PLA2R1: variants seen among roughly 807,000 people sequenced by gnomAD.
The protein encoded by PLA2R1 is secretory phospholipase A2 receptor.
In PLA2R1, 158 loss-of-function variants were observed where a neutral mutation model predicts 195.9. The observed-to-expected ratio is 0.81, with a 90% CI of 0.71 to 0.92. The LOEUF (loss-of-function observed/expected upper bound fraction) is 0.92, where lower values mean the gene tolerates loss of function less well. Ranked by LOEUF, PLA2R1 falls within the 40% of genes least tolerant of loss-of-function variation. The pLI, the probability that PLA2R1 is intolerant of heterozygous loss-of-function variation, is 0.00. For missense variants in PLA2R1, 1,626 were observed against 1,764.6 expected, an observed-to-expected ratio of 0.92 and a Z score of 1.41; for synonymous variants, 586 against 598.2, an observed-to-expected ratio of 0.98 and a Z score of 0.30.
Position 159,993,453 on chromosome 2 carries a change from T to TACACACACACACACACACACAC in PLA2R1, c.1835-6117_1835-6096dup, listed in dbSNP as rs3063677. ...ATTTGAACTCAAAAAGTGTTTAATT[T>TACACACACACACACACACACAC]ACACACACACACACACACACACACT... On this transcript the variant is annotated intron_variant, in intron 11 of 29. Transcript: ENST00000283243. Among the ~76,000 whole-genome samples, 83 of 148,306 alleles carry TACACACACACACACACACACAC rather than the reference T, an allele frequency of 5.6e-4. 1 individual carries two copies. The highest frequency in any genetic ancestry group is 1.9e-3 in the African/African-American group (75 of 40,280).
At chr2:159,946,693 T>C (rs1403397011) in intron 27 of PLA2R1, 108 bp downstream of exon 27, 1 of 1,446,732 alleles carries the variant, frequency 6.9e-7, no homozygotes, top group African/African-American at 1.5e-5. Context: ...TGCTATTTTT[T>C]CTCAGAAAAC....
intron 21 of PLA2R1, 22 bp from the exon 22 acceptor site, chr2:159,955,850 TC>T (rs748019176): frequency 6.5e-7 from 1 of 1,545,278 alleles, no homozygotes; most frequent in Non-Finnish European, 8.9e-7. Flanking sequence ...GAATACATTA[TC>T]TAATTTAATA....
intron 1 of PLA2R1, among the ~76,000 whole-genome samples, chr2:160,052,242 C>T (rs1695255842): frequency 6.6e-6 from 1 of 152,276 alleles, no homozygotes; most frequent in African/African-American, 2.4e-5. Context: ...TCAGTGCCAC[C>T]GGACTGCAGT....
rs965844583 is a variant in PLA2R1 at position 160,009,651 on chromosome 2, G to A, written c.1664+3612C>T. Among the ~76,000 whole-genome samples, 3 of 152,228 alleles carry A rather than the reference G, an allele frequency of 2.0e-5. No homozygotes were observed. The East Asian group carries it at 5.8e-4, about 29-fold the overall frequency. On this transcript the variant is annotated intron_variant, in intron 10 of 29. Coordinates refer to ENST00000283243, the MANE Select transcript of PLA2R1 (RefSeq NM_007366.5). ...CAATCTGAATGCAGTTAATGACACT[G>A]AACTGCACACTGAAAAATGACTAAC...
rs368364935 is a variant in PLA2R1 at position 159,968,633 on chromosome 2, T to C, written c.2764+623A>G. 1.0e-3 allele frequency among the ~76,000 whole-genome samples: 154 copies of C among 152,320 alleles called. 10 individuals are homozygous for C. In the South Asian group the frequency reaches 0.031, roughly 31 times the overall value. ...CAGGTTAGTTATGAATCTGTTAGAGTAATGGGTATCATTATCTTTTATTGG... is the reference window on the plus strand; with the variant it reads ...CAGGTTAGTTATGAATCTGTTAGAGCAATGGGTATCATTATCTTTTATTGG... On this transcript the variant is annotated intron_variant, in intron 19 of 29. Coordinates refer to ENST00000283243, the MANE Select transcript of PLA2R1 (RefSeq NM_007366.5).
At chr2:159,926,643 T>G in the PLA2R1 span, among the ~76,000 whole-genome samples, 7 of 152,192 alleles carry the variant, frequency 4.6e-5, no homozygotes, top group African/African-American at 1.7e-4. Context: ...GCTGTATAAG[T>G]AGGGGCTCTC....
At chr2:159,944,842 A>G in intron 28 of PLA2R1, 64 bp downstream of exon 28, 1 of 1,229,536 alleles carries the variant, frequency 8.1e-7, no homozygotes, top group Non-Finnish European at 1.2e-6. Context: ...TAAATGCTAA[A>G]GAAGTCAGTC....
chr2:159,982,095 A>C (rs541512373), intron 13 of PLA2R1, among the ~76,000 whole-genome samples: 31 of 152,362 alleles, frequency 2.0e-4, no homozygotes, highest in Admixed American at 6.5e-4. Flanking sequence ...TCTTAAAGCA[A>C]ACTGGGAAGC....
rs191867940 is a variant in PLA2R1, at chr2:160,005,136, T to C, written c.1834+516A>G. Among the ~76,000 whole-genome samples the C allele has an allele frequency of 7.9e-5, 12 of 152,284 alleles. No homozygotes were observed. The East Asian group carries it at 1.9e-3, about 24-fold the overall frequency. ...GAATTTATACCTTTAACATGTCAAA[T>C]GACTCATACGGATTATACTTTTAAA... On this transcript the variant is annotated intron_variant, in intron 11 of 29. Transcript: ENST00000283243.
intron 10 of PLA2R1, among the ~76,000 whole-genome samples, chr2:160,008,172 G>A (rs1692122213): frequency 1.3e-5 from 2 of 152,148 alleles, no homozygotes; most frequent in Non-Finnish European, 2.9e-5. Context: ...GGGTGGTGGT[G>A]TTAGATGCCT....
At chr2:159,946,478 G>C in intron 27 of PLA2R1, 1 of 1,018,236 alleles carries the variant, frequency 9.8e-7, no homozygotes, top group African/African-American at 1.7e-5. Context: ...TAGAAACCTG[G>C]GATATTTTCC....
chr2:159,991,630 C>A (rs1198109026), intron 11 of PLA2R1, among the ~76,000 whole-genome samples: 1 of 121,880 alleles, frequency 8.2e-6, no homozygotes, highest in Non-Finnish European at 1.7e-5. Context: ...CACCCCACAA[C>A]AGTCCCCAGA....
intron 2 of PLA2R1, 152 bp downstream of exon 2, chr2:160,044,622 T>C: frequency 4.7e-6 from 3 of 640,460 alleles, no homozygotes; most frequent in Non-Finnish European, 8.1e-6. Flanking sequence ...CCTTTTACCA[T>C]AAGCAAGGAA....
At chr2:159,957,015 A>G (rs917440917) in intron 20 of PLA2R1, among the ~76,000 whole-genome samples, 5 of 152,096 alleles carry the variant, frequency 3.3e-5, no homozygotes, top group African/African-American at 1.2e-4. Context: ...GGCAATGAAC[A>G]GCTTAGTTCA....
At chr2:159,954,302 TC>T (rs752957487) in intron 23 of PLA2R1, among the ~76,000 whole-genome samples, 23 of 151,760 alleles carry the variant, frequency 1.5e-4, no homozygotes, top group Admixed American at 1.3e-4. Context: ...ATTATTTCTT[TC>T]CCTACAAGGC....
intron 23 of PLA2R1, among the ~76,000 whole-genome samples, chr2:159,952,092 T>C (rs1687779973): frequency 6.6e-6 from 1 of 152,256 alleles, no homozygotes; most frequent in South Asian, 2.1e-4. Context: ...TTTGCATGTA[T>C]AAATTCTAAA....
intron 3 of PLA2R1, among the ~76,000 whole-genome samples, chr2:160,037,628 AACCATAT>A (rs1305194117): frequency 1.3e-5 from 2 of 151,932 alleles, no homozygotes; most frequent in Non-Finnish European, 2.9e-5. Flanking sequence ...GTTCTATTTA[AACCATAT>A]ACCCTCTTTA....
Position 160,055,941 on chromosome 2 carries a change from C to G in PLA2R1, c.109+6354G>C, listed in dbSNP as rs568324437. ...CCTCCAGGTAGTGGCTCTCATCGCC[C>G]TCTTTCAGAAGGTGGCAGCTACCCC... On this transcript the variant is annotated intron_variant, in intron 1 of 29. Coordinates refer to ENST00000283243, the MANE Select transcript of PLA2R1 (RefSeq NM_007366.5). Among the ~76,000 whole-genome samples the G allele has an allele frequency of 3.9e-5, 6 of 152,222 alleles. No homozygotes were observed. In the South Asian group the frequency reaches 1.2e-3, roughly 32 times the overall value.
intron 3 of PLA2R1, among the ~76,000 whole-genome samples, chr2:160,036,778 C>T (rs777472378): frequency 6.6e-5 from 10 of 152,352 alleles, no homozygotes; most frequent in African/African-American, 9.6e-5. Flanking sequence ...AGAATCTATA[C>T]AACTGAAAAG....
Sources: allele counts gnomAD v4.1 joint callset (sites outside exome capture counted in the v4.1 genomes callset), GRCh38; gene constraint gnomAD v4.1.1; transcripts MANE v1.5; gene names NCBI Gene and HGNC (gene_info 2026-07-23, HGNC 2026-07-21).